Variants in TTLL11 observed in about 807,000 individuals in gnomAD.
TTLL11 encodes the protein tubulin polyglutamylase TTLL11.
In TTLL11, 42 loss-of-function variants were observed where a neutral mutation model predicts 51.7. That is an observed-to-expected ratio of 0.81 (90% CI 0.64 to 1.05). The LOEUF (loss-of-function observed/expected upper bound fraction) is 1.05, where lower values mean the gene tolerates loss of function less well. Ranked by LOEUF, TTLL11 falls within the 50% of genes least tolerant of loss-of-function variation. The pLI is 0.00. For synonymous variants in TTLL11, 381 were observed against 383.5 expected (o/e 0.99, Z 0.08); for missense variants, 799 against 940.4 (o/e 0.85, Z 1.97).
At chr9:121,999,628 T>A (rs1282345820) in intron 3 of TTLL11, among the ~76,000 whole-genome samples, 2 of 152,206 alleles carry the variant, frequency 1.3e-5, no homozygotes, top group Non-Finnish European at 2.9e-5. Context: ...GCTGGGCACT[T>A]CCCATACATT....
intron 6 of TTLL11, among the ~76,000 whole-genome samples, chr9:121,950,251 G>A (rs1037239519): frequency 1.3e-5 from 2 of 152,090 alleles, no homozygotes; most frequent in African/African-American, 4.8e-5. Flanking sequence ...TTCCATCTGT[G>A]TGTCACTCTT....
chr9:121,869,865 C>A (rs373736394), intron 7 of TTLL11, among the ~76,000 whole-genome samples: 4 of 152,114 alleles, frequency 2.6e-5, no homozygotes, highest in African/African-American at 9.7e-5. Flanking sequence ...CCCAAAGTGC[C>A]CCCACAGGGT....
intron 1 of TTLL11, among the ~76,000 whole-genome samples, chr9:122,085,530 T>C (rs1323826604): frequency 6.6e-6 from 1 of 152,180 alleles, no homozygotes; most frequent in Non-Finnish European, 1.5e-5. Context: ...TGGCACAAAG[T>C]AGATCTCAAA....
chr9:121,927,214 C>T (rs1425814564), intron 6 of TTLL11, among the ~76,000 whole-genome samples: 2 of 152,260 alleles, frequency 1.3e-5, no homozygotes, highest in African/African-American at 2.4e-5. Flanking sequence ...GACAAAATAA[C>T]AGTAGCACTG....
chr9:121,936,680 A>G (rs953915893), intron 6 of TTLL11, among the ~76,000 whole-genome samples: 2 of 152,262 alleles, frequency 1.3e-5, no homozygotes, highest in African/African-American at 4.8e-5. Flanking sequence ...AATACAAAGA[A>G]AAGCTTAACG....
At chr9:121,922,536 G>A (rs2131528455) in intron 6 of TTLL11, among the ~76,000 whole-genome samples, 1 of 152,304 alleles carries the variant, frequency 6.6e-6, no homozygotes, top group African/African-American at 2.4e-5. Context: ...AGTGCCCCTA[G>A]AATTAGTAGA....
intron 6 of TTLL11, among the ~76,000 whole-genome samples, chr9:121,951,152 G>A (rs1841841942): frequency 6.6e-6 from 1 of 152,218 alleles, no homozygotes; most frequent in Admixed American, 6.5e-5. Context: ...AAATTAAATG[G>A]AGTGAAGATT....
At chr9:122,024,995 A>G (rs1376905354) in intron 3 of TTLL11, among the ~76,000 whole-genome samples, 1 of 152,192 alleles carries the variant, frequency 6.6e-6, no homozygotes, top group Non-Finnish European at 1.5e-5. Context: ...CACATACCCC[A>G]TAAGTATATG....
intron 6 of TTLL11, among the ~76,000 whole-genome samples, chr9:121,934,057 C>T (rs1242450598): frequency 6.6e-6 from 1 of 152,110 alleles, no homozygotes; most frequent in Non-Finnish European, 1.5e-5. Flanking sequence ...TAGAGCAACC[C>T]TGTCTCTACT....
chr9:121,844,846 A>G (rs1247846376), intron 8 of TTLL11, among the ~76,000 whole-genome samples: 1 of 152,106 alleles, frequency 6.6e-6, no homozygotes, highest in African/African-American at 2.4e-5. Context: ...AAAATACTGA[A>G]AAAAAGGAGA....
intron 3 of TTLL11, among the ~76,000 whole-genome samples, chr9:122,019,647 C>T (rs1844105874): frequency 1.3e-5 from 2 of 152,200 alleles, no homozygotes; most frequent in East Asian, 1.9e-4. Flanking sequence ...GACAGGGTTT[C>T]GTCATGTTGC....
At position 121,922,760 on chromosome 9, in the gene TTLL11, AGT is replaced by A. The variant is rs71370699; in HGVS notation, c.1481+51247_1481+51248del. Reference sequence around the variant, plus strand: ...TAGCGCAAAGGGTCAATATCTATTCAGTGTGTGTGTGTGTGTGTGTGTGTGTG... The same window carrying A: ...TAGCGCAAAGGGTCAATATCTATTCAGTGTGTGTGTGTGTGTGTGTGTGTG... On this transcript the variant is annotated intron_variant, in intron 6 of 8. Transcript: ENST00000321582. 4.3e-3 allele frequency among the ~76,000 whole-genome samples: 639 copies of A among 148,290 alleles called. 4 individuals are homozygous for A. Among genetic ancestry groups the A allele is most frequent in the Non-Finnish European group, 6.3e-3 (419 of 66,960 alleles).
chr9:121,883,921 G>C (rs1302758882), intron 6 of TTLL11, among the ~76,000 whole-genome samples: 4 of 152,188 alleles, frequency 2.6e-5, no homozygotes, highest in Non-Finnish European at 5.9e-5. Flanking sequence ...CCACTTCCTG[G>C]CTGACTGACC....
At chr9:121,948,572 A>T (rs1471528741) in intron 6 of TTLL11, among the ~76,000 whole-genome samples, 1 of 152,186 alleles carries the variant, frequency 6.6e-6, no homozygotes, top group Non-Finnish European at 1.5e-5. Flanking sequence ...CAAGCATTTA[A>T]CATCGATCCT....
intron 6 of TTLL11, among the ~76,000 whole-genome samples, chr9:121,941,468 C>G (rs554481930): frequency 6.6e-6 from 1 of 152,226 alleles, no homozygotes; most frequent in Non-Finnish European, 1.5e-5. Context: ...GTCAACCTGT[C>G]TAAAACTGGA....
At chr9:121,848,953 G>A in intron 8 of TTLL11, among the ~76,000 whole-genome samples, 1 of 152,142 alleles carries the variant, frequency 6.6e-6, no homozygotes, top group Non-Finnish European at 1.5e-5. Context: ...CACTGAAGAA[G>A]AAAAAGAACC....
intron 6 of TTLL11, among the ~76,000 whole-genome samples, chr9:121,878,366 C>A (rs947231737): frequency 1.3e-5 from 2 of 152,190 alleles, no homozygotes; most frequent in African/African-American, 2.4e-5. Flanking sequence ...GTTTGCCAAA[C>A]AAGTCAATCT....
intron 3 of TTLL11, among the ~76,000 whole-genome samples, chr9:121,991,492 C>G (rs982398091): frequency 2.6e-5 from 4 of 152,080 alleles, no homozygotes; most frequent in East Asian, 1.9e-4. Flanking sequence ...TACACTTGGC[C>G]CTTTACAGTA....
At chr9:122,063,110 G>A (rs1845481276) in intron 1 of TTLL11, among the ~76,000 whole-genome samples, 2 of 152,050 alleles carry the variant, frequency 1.3e-5, no homozygotes, top group African/African-American at 4.8e-5. Flanking sequence ...CATCTTAATT[G>A]CTCCTTTGCC....
Sources: gnomAD v4.1 joint callset for allele counts (sites outside exome capture counted in the v4.1 genomes callset) on GRCh38, gnomAD v4.1.1 for gene constraint, MANE v1.5 for transcripts, NCBI Gene and HGNC (gene_info 2026-07-23, HGNC 2026-07-21) for gene names.